Variants in INPP5K observed in about 807,000 individuals in gnomAD.
The protein encoded by INPP5K is inositol polyphosphate 5-phosphatase K.
Under a neutral mutation model 53.5 loss-of-function variants are expected in INPP5K, and 35 were observed. The ratio of observed to expected loss-of-function variants is 0.65; its 90% CI spans 0.50 to 0.87. The LOEUF is 0.87. Ranked by LOEUF, INPP5K falls within the 40% of genes least tolerant of loss-of-function variation. The probability of loss-of-function intolerance (pLI) is 0.00; values close to 1 mark genes in which losing one functional copy is unlikely to be tolerated. For missense variants in INPP5K, 550 were observed against 586.2 expected (o/e 0.94, Z 0.64); for synonymous variants, 253 against 232.8 (o/e 1.09, Z -0.79).
At chr17:1,501,634 G>C (rs2075013963) in intron 7 of INPP5K, among the ~76,000 whole-genome samples, 1 of 152,186 alleles carries the variant, frequency 6.6e-6, no homozygotes, top group South Asian at 2.1e-4. Context: ...AGTGTTCAGA[G>C]GGCACTGGAA....
rs371374776 is a variant in INPP5K at position 1,511,664 on chromosome 17, T to C, written c.261+1789A>G. On this transcript the variant is annotated intron_variant, in intron 3 of 11. Coordinates refer to ENST00000421807, the MANE Select transcript of INPP5K (RefSeq NM_016532.4). ...ACTTCCTCCCCAGTCTTCTCTCTCC[T>C]ACACCCAAGCACACGTGCCAACAGG... Among the ~76,000 whole-genome samples, 440 of 152,244 alleles carry C rather than the reference T, an allele frequency of 2.9e-3. 2 individuals carry two copies. Among genetic ancestry groups the C allele is most frequent in the Middle Eastern group, 6.8e-3 (2 of 294 alleles).
chr17:1,506,884 C>G, intron 7 of INPP5K, 96 bp downstream of exon 7: 2 of 825,500 alleles, frequency 2.4e-6, no homozygotes, highest in Non-Finnish European at 3.9e-6. Flanking sequence ...CCAATTCCTG[C>G]CCCCCCTAAC....
rs968425988 is a variant in INPP5K at position 1,507,476 on chromosome 17, A to T, written c.667-387T>A. The T allele has an allele frequency of 1.8e-5, 4 of 216,646 alleles. No individual in the cohort carries two copies. The East Asian group carries it at 4.2e-4, about 23-fold the overall frequency. 13.4% of individuals were successfully genotyped at this position (216,646 alleles called of 1,614,324 possible). A position where few individuals can be genotyped will look rare whatever the true frequency, so the allele number is the denominator to read the frequency against. ...AACGAGGCTGGGGATGGGAAAGACG[A>T]CAGGGACACGATGGGCTGACGCATG... On this transcript the variant is annotated intron_variant, in intron 6 of 11. Coordinates refer to ENST00000421807, the MANE Select transcript of INPP5K (RefSeq NM_016532.4).
In INPP5K at chr17:1,516,592, C is replaced by A; in HGVS notation, c.-93G>T. On this transcript the variant is annotated 5_prime_UTR_variant, in exon 1 of 12. Coordinates refer to ENST00000421807, the MANE Select transcript of INPP5K (RefSeq NM_016532.4). ...GCAGCCCTGCGGGCGGCCGGTCTCA[C>A]GCGCCTAGCTGTCGCGGACTGTTTT... 1 of 1,428,092 alleles carries A rather than the reference C, an allele frequency of 7.0e-7. No individual in the cohort carries two copies. Among genetic ancestry groups the A allele is most frequent in the Non-Finnish European group, 9.1e-7 (1 of 1,098,850 alleles). 88.5% of individuals were successfully genotyped at this position (1,428,092 alleles called of 1,614,324 possible).
intron 3 of INPP5K, among the ~76,000 whole-genome samples, chr17:1,511,334 C>A (rs1235947865): frequency 6.6e-6 from 1 of 152,222 alleles, no homozygotes; most frequent in African/African-American, 2.4e-5. Flanking sequence ...TCCCTACTAT[C>A]TGCAGCTGCA....
rs922021413 is a variant in INPP5K, at chr17:1,502,696, A to T, written c.776+4284T>A. 2.0e-5 allele frequency among the ~76,000 whole-genome samples: 3 copies of T among 152,194 alleles called. 1 individual carries two copies. The highest frequency in any genetic ancestry group is 2.0e-4 in the Admixed American group (3 of 15,284). Reference sequence around the variant, plus strand: ...CAAAATCCAAGAAACAAGCAAAGTGAGCGTGTACAAATTAACCAAGTTCTC... The same window carrying T: ...CAAAATCCAAGAAACAAGCAAAGTGTGCGTGTACAAATTAACCAAGTTCTC... On this transcript the variant is annotated intron_variant, in intron 7 of 11. Transcript: ENST00000421807.
chr17:1,495,533 T>G lies in INPP5K; in HGVS notation c.*290A>C. ...ACTTGGGCAAGACTAGAAGAGGGGG[T>G]AGGAATCCAGAAATGAGACGCAGAA... On this transcript the variant is annotated 3_prime_UTR_variant, in exon 12 of 12. Coordinates refer to ENST00000421807, the MANE Select transcript of INPP5K (RefSeq NM_016532.4). 2.6e-6 allele frequency: 1 copy of G among 388,952 alleles called. No homozygotes were observed. The highest frequency in any genetic ancestry group is 4.7e-6 in the Non-Finnish European group (1 of 214,448). 24.1% of individuals were successfully genotyped at this position (388,952 alleles called of 1,614,324 possible). A position where few individuals can be genotyped will look rare whatever the true frequency, so the allele number is the denominator to read the frequency against.
At chr17:1,496,633 G>A (rs201574593) in intron 9 of INPP5K, 33 bp downstream of exon 9, 718 of 1,612,010 alleles carry the variant, frequency 4.5e-4, no homozygotes, top group Non-Finnish European at 4.6e-4. Context: ...AGGGGCTGTC[G>A]CTGATGGACT....
chr17:1,496,374 A>G lies in INPP5K; in HGVS notation c.1130T>C (p.Val377Ala), dbSNP rs949200099. 2 of 1,564,888 alleles carry G rather than the reference A, an allele frequency of 1.3e-6. No homozygotes were observed. Among genetic ancestry groups the G allele is most frequent in the Non-Finnish European group, 1.7e-6 (2 of 1,154,302 alleles). ...KVGLRDVNDY[V>A]SYAWVGDSKV... is the part of the protein sequence containing the mutation. Reference sequence around the variant, plus strand: ...GCTGTCCCCGACCCAGGCATAGGACACGTAGTCATTAACGTCCCGCAGCCC... The same window carrying G: ...GCTGTCCCCGACCCAGGCATAGGACGCGTAGTCATTAACGTCCCGCAGCCC... Residue 377 changes from valine (V) to alanine (A), a missense_variant, in exon 10 of 12, where the codon GTG becomes GCG. Physicochemically the swap from Val to Ala is moderately conservative, Grantham distance 64. Coordinates refer to ENST00000421807, the MANE Select transcript of INPP5K (RefSeq NM_016532.4).
Position 1,496,145 on chromosome 17 carries a change from T to TAA in INPP5K, c.1204_1205insTT (p.Asn402IlefsTer25). 1 of 1,612,204 alleles carries TAA rather than the reference T, an allele frequency of 6.2e-7. No homozygotes were observed. ...AAACTCATCTTCAGTGGTAGGGATA[T>TAA]TGCTGATGTCGATGTAAACCTGGAG... On this transcript the variant is annotated frameshift_variant, in exon 11 of 12. Coordinates refer to ENST00000421807, the MANE Select transcript of INPP5K (RefSeq NM_016532.4). LOFTEE classifies it high-confidence loss of function.
At chr17:1,501,950 G>A (rs952321875) in intron 7 of INPP5K, among the ~76,000 whole-genome samples, 6 of 151,478 alleles carry the variant, frequency 4.0e-5, no homozygotes, top group Non-Finnish European at 7.4e-5. Context: ...CAGGAGAATC[G>A]CTTGAACCTG....
Position 1,495,693 on chromosome 17 carries a change from G to A in INPP5K, c.*130C>T. The A allele has an allele frequency of 1.5e-6, 1 of 657,084 alleles. No homozygotes were observed. Among genetic ancestry groups the A allele is most frequent in the East Asian group, 2.7e-5 (1 of 36,502 alleles). The allele number at this position is 657,084 out of a possible 1,614,324, so 40.7% of individuals were successfully genotyped here. ...ATGAGCCTGGTTAGAGCTCACTCTGGGAGGAGTATGTGGACGACACTTGGC... is the reference window on the plus strand; with the variant it reads ...ATGAGCCTGGTTAGAGCTCACTCTGAGAGGAGTATGTGGACGACACTTGGC... On this transcript the variant is annotated 3_prime_UTR_variant, in exon 12 of 12. Transcript: ENST00000421807.
chr17:1,496,373 C>T lies in INPP5K; in HGVS notation c.1131G>A (p.Val377=). 6.4e-7 allele frequency: 1 copy of T among 1,565,056 alleles called. No homozygotes were observed. The highest frequency in any genetic ancestry group is 8.7e-7 in the Non-Finnish European group (1 of 1,154,318). The change falls in exon 10 of 12, where the codon GTG becomes GTA. Residue 377 remains valine, a synonymous_variant. Transcript: ENST00000421807. ...TGCTGTCCCCGACCCAGGCATAGGA[C>T]ACGTAGTCATTAACGTCCCGCAGCC... ...KVGLRDVNDY[V]SYAWVGDSKV...
chr17:1,503,038 T>C (rs1245066332), intron 7 of INPP5K, among the ~76,000 whole-genome samples: 1 of 151,844 alleles, frequency 6.6e-6, no homozygotes, highest in Non-Finnish European at 1.5e-5. Context: ...TACGGGTATG[T>C]GCCACCATGC....
In INPP5K at chr17:1,495,700, T is replaced by G; in HGVS notation, c.*123A>C. The G allele has an allele frequency of 4.5e-6, 3 of 667,294 alleles. No individual in the cohort carries two copies. Among genetic ancestry groups the G allele is most frequent in the East Asian group, 5.5e-5 (2 of 36,222 alleles). The allele number at this position is 667,294 out of a possible 1,614,324, so 41.3% of individuals were successfully genotyped here. A position where few individuals can be genotyped will look rare whatever the true frequency, so the allele number is the denominator to read the frequency against. On this transcript the variant is annotated 3_prime_UTR_variant, in exon 12 of 12. Transcript: ENST00000421807. ...TGGTTAGAGCTCACTCTGGGAGGAG[T>G]ATGTGGACGACACTTGGCTGTCTCT...
rs1454676182 is a variant in INPP5K, at chr17:1,494,758, G to A, written c.*1065C>T. On this transcript the variant is annotated 3_prime_UTR_variant, in exon 12 of 12. Transcript: ENST00000421807. ...AGGATGGCAGGACAAGCACTGAGCA[G>A]GCTCCCAGAGGTGTCTTCTCCTGGG... 6.6e-6 allele frequency: 1 copy of A among 152,320 alleles called. No individual in the cohort carries two copies. Among genetic ancestry groups the A allele is most frequent in the Admixed American group, 6.5e-5 (1 of 15,282 alleles). 9.4% of individuals were successfully genotyped at this position (152,320 alleles called of 1,614,324 possible). A position where few individuals can be genotyped will look rare whatever the true frequency, so the allele number is the denominator to read the frequency against.
At chr17:1,504,930 TCTGCCACTC>T (rs2075118062) in intron 7 of INPP5K, among the ~76,000 whole-genome samples, 1 of 152,206 alleles carries the variant, frequency 6.6e-6, no homozygotes, top group Non-Finnish European at 1.5e-5. Flanking sequence ...CAGCCCCAGC[TCTGCCACTC>T]ACTGGCTGAG....
intron 3 of INPP5K, among the ~76,000 whole-genome samples, chr17:1,511,063 C>G (rs1410049561): frequency 6.6e-6 from 1 of 152,112 alleles, no homozygotes; most frequent in African/African-American, 2.4e-5. Flanking sequence ...TCCCCCCAAA[C>G]CCCATAACTA....
rs370433971 is a variant in INPP5K at position 1,497,954 on chromosome 17, G to A, written c.945C>T (p.Ser315=). 9.2e-5 allele frequency: 149 copies of A among 1,613,536 alleles called. No homozygotes were observed. The South Asian group carries it at 1.3e-3, about 14-fold the overall frequency. The stretch of plus-strand genomic sequence containing the variant: ...AGTTCACCTCCAAGTCGAACGTGCC[G>A]GAGACAGGCTTGTGGTCGCTGATGC... ...TYGISDHKPV[S]GTFDLELKPL... is the part of the protein sequence containing the mutation. The change falls in exon 8 of 12, where the codon TCC becomes TCT. Residue 315 remains serine, a synonymous_variant. Transcript: ENST00000421807.
Sources: allele counts gnomAD v4.1 joint callset (sites outside exome capture counted in the v4.1 genomes callset), GRCh38; gene constraint gnomAD v4.1.1; transcripts MANE v1.5; gene names NCBI Gene and HGNC (gene_info 2026-07-23, HGNC 2026-07-21).